SLC5A4: variants seen among roughly 807,000 people sequenced by gnomAD.
SLC5A4 encodes solute carrier family 5 member 4, also known as probable glucose sensor protein SLC5A4.
A neutral mutation model predicts 70.3 loss-of-function variants in SLC5A4; 55 were observed. That is an observed-to-expected ratio of 0.78 (90% confidence interval 0.63 to 0.98). SLC5A4 has a LOEUF of 0.98. SLC5A4 is among the 50% of genes least tolerant of loss of function. SLC5A4 has a pLI of 0.00. For synonymous variants in SLC5A4, 268 were observed against 305.7 expected (o/e 0.88, Z 1.29); for missense variants, 735 against 839.2 (o/e 0.88, Z 1.53).
chr22:32,297,746 A>G, the SLC5A4 span, among the ~76,000 whole-genome samples: 3 of 121,658 alleles, frequency 2.5e-5, no homozygotes, highest in African/African-American at 9.1e-5. Flanking sequence ...TTGTGATTTT[A>G]GGGTGTCAAT....
At chr22:32,354,172 A>G in the SLC5A4 span, among the ~76,000 whole-genome samples, 1 of 147,442 alleles carries the variant, frequency 6.8e-6, no homozygotes, top group African/African-American at 2.5e-5. Flanking sequence ...ACGTCCCTCA[A>G]TAGCGCCCCC....
the SLC5A4 span, among the ~76,000 whole-genome samples, chr22:32,321,676 T>G: frequency 6.6e-6 from 1 of 152,202 alleles, no homozygotes; most frequent in African/African-American, 2.4e-5. Flanking sequence ...TATCCATGTG[T>G]TCTCATCATT....
At chr22:32,352,761 C>T in the SLC5A4 span, among the ~76,000 whole-genome samples, 4 of 152,260 alleles carry the variant, frequency 2.6e-5, no homozygotes, top group African/African-American at 9.6e-5. Flanking sequence ...CCTCAACGCA[C>T]AGGCCCACCC....
At position 32,251,968 on chromosome 22, in the gene SLC5A4, G is replaced by C. The variant is rs542651731; in HGVS notation, c.208-94C>G. 4.6e-6 allele frequency: 4 copies of C among 875,620 alleles called. No homozygotes were observed. The African/African-American group carries it at 5.0e-5, about 11-fold the overall frequency. 54.2% of individuals were successfully genotyped at this position (875,620 alleles called of 1,614,324 possible). A position where few individuals can be genotyped will look rare whatever the true frequency, so the allele number is the denominator to read the frequency against. ...GATGTAGCTGGGCGTGGTGGCTCAC[G>C]CCTGTAATCCCAGCACTTTGGGAGG... On this transcript the variant is annotated intron_variant, in intron 2 of 14. Transcript: ENST00000266086.
At chr22:32,286,716 A>C in the SLC5A4 span, among the ~76,000 whole-genome samples, 1 of 152,218 alleles carries the variant, frequency 6.6e-6, no homozygotes, top group African/African-American at 2.4e-5. Context: ...GCATACTTGC[A>C]TTAAGAAGGC....
the SLC5A4 span, among the ~76,000 whole-genome samples, chr22:32,313,541 A>AG: frequency 6.6e-6 from 1 of 152,242 alleles, no homozygotes; most frequent in South Asian, 2.1e-4. Flanking sequence ...AAGAGCCAGG[A>AG]GAGCAGTGGA....
the SLC5A4 span, among the ~76,000 whole-genome samples, chr22:32,323,179 C>T: frequency 6.6e-6 from 1 of 152,178 alleles, no homozygotes; most frequent in African/African-American, 2.4e-5. Flanking sequence ...TAGCTCTGTC[C>T]ACCATGGCGC....
At chr22:32,335,470 G>A in the SLC5A4 span, among the ~76,000 whole-genome samples, 15 of 152,332 alleles carry the variant, frequency 9.8e-5, no homozygotes, top group African/African-American at 3.1e-4. Flanking sequence ...AAGAAAAGAG[G>A]ATAGACTTTG....
chr22:32,233,351 G>T (rs1357317280), intron 8 of SLC5A4, among the ~76,000 whole-genome samples: 1 of 152,200 alleles, frequency 6.6e-6, no homozygotes, highest in Non-Finnish European at 1.5e-5. Flanking sequence ...TAAGTTAAGT[G>T]AAATAAGCCA....
intron 11 of SLC5A4, among the ~76,000 whole-genome samples, chr22:32,227,801 C>T (rs1420908987): frequency 6.6e-6 from 1 of 151,870 alleles, no homozygotes; most frequent in Admixed American, 6.6e-5. Context: ...TGGGCATGGT[C>T]GTGCACGCCT....
chr22:32,321,154 C>T, the SLC5A4 span, among the ~76,000 whole-genome samples: 320 of 152,300 alleles, frequency 2.1e-3, 4 homozygotes, highest in African/African-American at 7.2e-3. Context: ...GGCATGGTGG[C>T]GTGCACCTGT....
the SLC5A4 span, among the ~76,000 whole-genome samples, chr22:32,329,128 C>CTTTTCTGCTT: frequency 6.6e-6 from 1 of 152,238 alleles, no homozygotes; most frequent in African/African-American, 2.4e-5. Context: ...CTTTCATCCC[C>CTTTTCTGCTT]TTTTCTGCTT....
the SLC5A4 span, among the ~76,000 whole-genome samples, chr22:32,283,448 A>G: frequency 6.6e-6 from 1 of 152,238 alleles, no homozygotes; most frequent in Non-Finnish European, 1.5e-5. Flanking sequence ...TTGCACCATT[A>G]ACATTTTCTC....
chr22:32,272,528 A>C, the SLC5A4 span: 1 of 672,938 alleles, frequency 1.5e-6, no homozygotes, highest in African/African-American at 1.8e-5. Flanking sequence ...CAAGACGCTG[A>C]GCCTCGTCAT....
the SLC5A4 span, among the ~76,000 whole-genome samples, chr22:32,266,814 A>G: frequency 1.3e-5 from 2 of 152,354 alleles, no homozygotes; most frequent in South Asian, 4.1e-4. Flanking sequence ...AGTAAGCTAG[A>G]CCAAAGAAAA....
chr22:32,310,337 G>C, the SLC5A4 span, among the ~76,000 whole-genome samples: 1 of 152,156 alleles, frequency 6.6e-6, no homozygotes, highest in African/African-American at 2.4e-5. Flanking sequence ...TGAGGGAACA[G>C]ACCTTGCCTG....
chr22:32,249,249 C>A (rs1305929378), intron 3 of SLC5A4, among the ~76,000 whole-genome samples: 1 of 152,176 alleles, frequency 6.6e-6, no homozygotes, highest in Non-Finnish European at 1.5e-5. Flanking sequence ...AGAGTCTTCA[C>A]ATAGATCACT....
the SLC5A4 span, among the ~76,000 whole-genome samples, chr22:32,306,565 T>G: frequency 6.6e-6 from 1 of 152,092 alleles, no homozygotes; most frequent in Non-Finnish European, 1.5e-5. Context: ...TAGGAATGTT[T>G]TTGGTTTTCC....
chr22:32,237,350 G>T, intron 6 of SLC5A4, 26 bp from the exon 7 acceptor site: 1 of 1,518,862 alleles, frequency 6.6e-7, no homozygotes, highest in Non-Finnish European at 9.0e-7. Context: ...AAAGAACCAG[G>T]GCATTTTATC....
Sources: gnomAD v4.1 joint callset for allele counts (sites outside exome capture counted in the v4.1 genomes callset) on GRCh38, gnomAD v4.1.1 for gene constraint, MANE v1.5 for transcripts, NCBI Gene and HGNC (gene_info 2026-07-23, HGNC 2026-07-21) for gene names.